ALPL: variants seen among roughly 807,000 people sequenced by gnomAD.
ALPL encodes alkaline phosphatase, biomineralization associated, also known as alkaline phosphatase, tissue-nonspecific isozyme.
Under a neutral mutation model 51.3 loss-of-function variants are expected in ALPL, and 42 were observed. The ratio of observed to expected loss-of-function variants is 0.82; its 90% CI spans 0.64 to 1.06. The LOEUF (loss-of-function observed/expected upper bound fraction) is 1.06, where lower values mean the gene tolerates loss of function less well. Ranked by LOEUF, ALPL falls within the 50% of genes least tolerant of loss-of-function variation. ALPL has a pLI of 0.00. For missense variants in ALPL, 589 were observed against 709.4 expected (o/e 0.83, Z 1.93); for synonymous variants, 279 against 296.4 (o/e 0.94, Z 0.60).
At chr1:21,527,619 G>A (rs1036076161) in intron 1 of ALPL, among the ~76,000 whole-genome samples, 1 of 145,324 alleles carries the variant, frequency 6.9e-6, no homozygotes, top group Non-Finnish European at 1.5e-5. Flanking sequence ...GTGTGATCTT[G>A]GCTCACCACA....
intron 1 of ALPL, among the ~76,000 whole-genome samples, chr1:21,531,153 T>G (rs1407068940): frequency 6.6e-6 from 1 of 151,966 alleles, no homozygotes; most frequent in Non-Finnish European, 1.5e-5. Context: ...GAGATGGGGT[T>G]TCACCATGTT....
chr1:21,535,219 A>C (rs117927755), intron 1 of ALPL, among the ~76,000 whole-genome samples: 1 of 152,320 alleles, frequency 6.6e-6, no homozygotes, highest in East Asian at 1.9e-4. Flanking sequence ...GGGACAGCTC[A>C]CTTGGGGTGA....
chr1:21,568,179 GC>G lies in ALPL; in HGVS notation c.726del (p.Arg243GlyfsTer34). Reference sequence around the variant, plus strand: ...TGTGGAGTATGAGAGTGACGAGAAAGCCAGGGGCACGAGGCTGGACGGCCTG... The same window carrying G: ...TGTGGAGTATGAGAGTGACGAGAAAGCAGGGGCACGAGGCTGGACGGCCTG... Reference protein sequence around the residue: ...TDVEYESDEKARGTRLDGLDL... With the variant: ...TDVEYESDEKXRGTRLDGLDL... On this transcript the variant is annotated frameshift_variant, in exon 7 of 12. Transcript: ENST00000374840. LOFTEE classifies it high-confidence loss of function. 1 of 1,614,094 alleles carries G rather than the reference GC, an allele frequency of 6.2e-7. No homozygotes were observed. The highest frequency in any genetic ancestry group is 8.5e-7 in the Non-Finnish European group (1 of 1,180,032).
chr1:21,577,255 A>G (rs1447340477), intron 11 of ALPL, 128 bp from the exon 12 acceptor site: 4 of 1,479,768 alleles, frequency 2.7e-6, no homozygotes, highest in Non-Finnish European at 3.7e-6. Context: ...ACTTTCCCAC[A>G]TTGAGCCTCC....
At chr1:21,520,586 G>A (rs1175274444) in intron 1 of ALPL, among the ~76,000 whole-genome samples, 1 of 148,444 alleles carries the variant, frequency 6.7e-6, no homozygotes, top group Non-Finnish European at 1.5e-5. Context: ...CTCAGCCTCT[G>A]GAGTAGCTGG....
At chr1:21,552,068 G>A (rs1220347379) in intron 1 of ALPL, among the ~76,000 whole-genome samples, 1 of 111,962 alleles carries the variant, frequency 8.9e-6, no homozygotes, top group Non-Finnish European at 1.9e-5. Context: ...TCTTCTGGTG[G>A]TAGTGGTTTC....
intron 1 of ALPL, among the ~76,000 whole-genome samples, chr1:21,514,859 A>G (rs1466590668): frequency 6.6e-6 from 1 of 152,034 alleles, no homozygotes; most frequent in Non-Finnish European, 1.5e-5. Context: ...ACTCTCCAGC[A>G]TTTTGCAGTT....
intron 4 of ALPL, 61 bp from the exon 5 acceptor site, chr1:21,563,049 G>C (rs201326078): frequency 6.3e-7 from 1 of 1,596,462 alleles, no homozygotes; most frequent in Non-Finnish European, 8.6e-7. Context: ...GAGTGTAGGC[G>C]GGGTGGGTGC....
At chr1:21,572,782 G>A (rs944346601) in intron 8 of ALPL, among the ~76,000 whole-genome samples, 2 of 152,190 alleles carry the variant, frequency 1.3e-5, no homozygotes, top group African/African-American at 4.8e-5. Context: ...GGCAAGGAAT[G>A]GATCATTCTC....
chr1:21,575,707 C>T lies in ALPL; in HGVS notation c.998-26C>T, dbSNP rs755120326. On this transcript the variant is annotated intron_variant, in intron 9 of 11. Transcript: ENST00000374840. ...AGATCTTCCTCCCCTCCTCCCTCAC[C>T]GAGGCCTTTGCCTTGGTGTCCCAAG... 69 of 1,613,702 alleles carry T rather than the reference C, an allele frequency of 4.3e-5. No individual in the cohort carries two copies. The Middle Eastern group carries it at 1.8e-3, about 43-fold the overall frequency.
At chr1:21,575,606 G>C in intron 9 of ALPL, 127 bp from the exon 10 acceptor site, 1 of 1,128,218 alleles carries the variant, frequency 8.9e-7, no homozygotes, top group Non-Finnish European at 1.3e-6. Flanking sequence ...AGCTCAGAGT[G>C]GTGCCCGGCG....
At chr1:21,521,810 C>A (rs556468575) in intron 1 of ALPL, among the ~76,000 whole-genome samples, 4 of 152,192 alleles carry the variant, frequency 2.6e-5, no homozygotes, top group Non-Finnish European at 4.4e-5. Flanking sequence ...ACAGATGTAC[C>A]CCCAATCCCA....
intron 1 of ALPL, among the ~76,000 whole-genome samples, chr1:21,538,271 C>T (rs537266119): frequency 1.3e-5 from 2 of 152,284 alleles, no homozygotes; most frequent in East Asian, 3.9e-4. Context: ...CCTCCATAGG[C>T]CCCAGTTTCC....
chr1:21,523,802 G>A (rs900583819), intron 1 of ALPL, among the ~76,000 whole-genome samples: 2 of 152,160 alleles, frequency 1.3e-5, no homozygotes, highest in Non-Finnish European at 2.9e-5. Flanking sequence ...AGCAGCTCGT[G>A]GAGCTAGTGG....
chr1:21,563,068 C>A lies in ALPL; in HGVS notation c.298-42C>A, dbSNP rs112855382. 2,402 of 1,611,662 alleles carry A rather than the reference C, an allele frequency of 1.5e-3. 38 individuals are homozygous for A. In the African/African-American group the frequency reaches 0.028, roughly 19 times the overall value. On this transcript the variant is annotated intron_variant, in intron 4 of 11. Transcript: ENST00000374840. ...GTAGGCGGGGTGGGTGCCACTGGGG[C>A]GAAGGCCTGGCCATCTCCTGACCCT...
chr1:21,550,655 A>G (rs1318126464), intron 1 of ALPL, among the ~76,000 whole-genome samples: 1 of 152,088 alleles, frequency 6.6e-6, no homozygotes, highest in Non-Finnish European at 1.5e-5. Context: ...ACCCAGATCA[A>G]TCATAAACCG....
chr1:21,569,141 G>T (rs902797553), intron 7 of ALPL, among the ~76,000 whole-genome samples: 1 of 152,134 alleles, frequency 6.6e-6, no homozygotes, highest in African/African-American at 2.4e-5. Flanking sequence ...GATGGTGGGG[G>T]TGTGGAACTG....
At chr1:21,544,731 G>A (rs779221008) in intron 1 of ALPL, among the ~76,000 whole-genome samples, 12 of 152,182 alleles carry the variant, frequency 7.9e-5, no homozygotes, top group Non-Finnish European at 1.8e-4. Context: ...GGGCGACAAA[G>A]TGAAACTGTC....
At chr1:21,516,445 G>C (rs1012326991) in intron 1 of ALPL, among the ~76,000 whole-genome samples, 1 of 152,072 alleles carries the variant, frequency 6.6e-6, no homozygotes, top group East Asian at 1.9e-4. Flanking sequence ...CAACATGCAC[G>C]TACTAGGCAT....
Sources: allele counts gnomAD v4.1 joint callset (sites outside exome capture counted in the v4.1 genomes callset), GRCh38; gene constraint gnomAD v4.1.1; transcripts MANE v1.5; gene names NCBI Gene and HGNC (gene_info 2026-07-23, HGNC 2026-07-21).